CEP164: variants seen among roughly 807,000 people sequenced by gnomAD.
The protein encoded by CEP164 is centrosomal protein 164.
In CEP164, 162 loss-of-function variants were observed where a neutral mutation model predicts 182.7. That is an observed-to-expected ratio of 0.89 (90% CI 0.78 to 1.01). The LOEUF is 1.01. Ranked by LOEUF, CEP164 falls within the 50% of genes least tolerant of loss-of-function variation. The pLI is 0.00. For synonymous variants in CEP164, 661 were observed against 690.0 expected, an observed-to-expected ratio of 0.96 and a Z score of 0.66; for missense variants, 1,735 against 1,790.4, an observed-to-expected ratio of 0.97 and a Z score of 0.56.
At chr11:117,410,367 GGTA>G (rs1049244052) in intron 30 of CEP164, 12 of 302,584 alleles carry the variant, frequency 4.0e-5, no homozygotes, top group Non-Finnish European at 7.4e-5. Flanking sequence ...AATTCTCTGA[GGTA>G]GTAATTATTT....
At chr11:117,386,902 G>C (rs1347042537) in intron 14 of CEP164, 1 of 363,702 alleles carries the variant, frequency 2.7e-6, no homozygotes, top group Non-Finnish European at 5.0e-6. Context: ...GCTGCTGCCA[G>C]CTCTTGAGCC....
intron 8 of CEP164, among the ~76,000 whole-genome samples, chr11:117,368,022 T>C (rs938690334): frequency 1.3e-5 from 2 of 152,228 alleles, no homozygotes; most frequent in African/African-American, 4.8e-5. Flanking sequence ...TCCGATCTTT[T>C]TATGACACAC....
Position 117,410,838 on chromosome 11 carries a change from G to C in CEP164, c.4107G>C (p.Pro1369=). 1 of 1,612,742 alleles carries C rather than the reference G, an allele frequency of 6.2e-7. No individual in the cohort carries two copies. Among genetic ancestry groups the C allele is most frequent in the South Asian group, 1.1e-5 (1 of 90,686 alleles). ...KWRKYFPSGI[P]LLSNSPTPLE... is the part of the protein sequence containing the mutation. ...CCCATGCTCTTCCAGCTGGCATCCC[G>C]CTGCTCAGCAACAGCCCCACCCCGC... The change falls in exon 31 of 33, where the codon CCG becomes CCC. Residue 1369 remains proline, a synonymous_variant. Transcript: ENST00000278935.
chr11:117,407,457 C>CAAAAAAA (rs1232486465), intron 27 of CEP164, among the ~76,000 whole-genome samples: 21 of 68,938 alleles, frequency 3.0e-4, no homozygotes, highest in African/African-American at 6.8e-4. Flanking sequence ...TCTGTCTCTA[C>CAAAAAAA]AAAAAAAAAA....
rs773861529 is a variant in CEP164 at position 117,362,397 on chromosome 11, T to A, written c.553-7T>A. The A allele has an allele frequency of 1.9e-6, 3 of 1,610,658 alleles. No homozygotes were observed. Among genetic ancestry groups the A allele is most frequent in the Non-Finnish European group, 2.5e-6 (3 of 1,177,976 alleles). ...GAGTCCTTTGACTGTCCTTCTCTAT[T>A]TTGAAGCCTTCACAGGGTCTCAAGA... On this transcript the variant is annotated splice_region_variant and splice_polypyrimidine_tract_variant and intron_variant, in intron 6 of 32. Coordinates refer to ENST00000278935, the MANE Select transcript of CEP164 (RefSeq NM_014956.5).
chr11:117,390,657 A>AAG, intron 15 of CEP164, 120 bp from the exon 16 acceptor site: 2 of 1,061,672 alleles, frequency 1.9e-6, no homozygotes, highest in Non-Finnish European at 2.7e-6. Context: ...AAAAAAAAAA[A>AAG]GATTTAGGAA....
At chr11:117,324,839 T>C (rs1228159754), upstream of CEP164, among the ~76,000 whole-genome samples, 7 of 152,120 alleles carry the variant, frequency 4.6e-5, no homozygotes. Flanking sequence ...CTGTCTCTAC[T>C]AAAAATACAA....
intron 5 of CEP164, chr11:117,356,324 C>T: frequency 3.5e-6 from 4 of 1,138,266 alleles, no homozygotes; most frequent in Non-Finnish European, 4.4e-6. Context: ...GCAGGACATG[C>T]CGTGCAGACA....
intron 7 of CEP164, 35 bp downstream of exon 7, chr11:117,362,573 C>T (rs1216803125): frequency 5.1e-6 from 8 of 1,579,172 alleles, no homozygotes; most frequent in Non-Finnish European, 6.0e-6. Flanking sequence ...CCTGGAAACC[C>T]TCTGTGCCAT....
At chr11:117,383,993 G>T (rs1312186070) in intron 14 of CEP164, among the ~76,000 whole-genome samples, 1 of 152,176 alleles carries the variant, frequency 6.6e-6, no homozygotes, top group Non-Finnish European at 1.5e-5. Context: ...CCGAGATCGT[G>T]CCACTGTATT....
chr11:117,372,329 G>T (rs1386096812), intron 9 of CEP164, among the ~76,000 whole-genome samples: 3 of 151,902 alleles, frequency 2.0e-5, no homozygotes, highest in Non-Finnish European at 4.4e-5. Context: ...GGCTGATCTT[G>T]AACTCCTGAG....
chr11:117,393,456 G>A (rs1449861119), intron 20 of CEP164, among the ~76,000 whole-genome samples: 1 of 152,186 alleles, frequency 6.6e-6, no homozygotes, highest in Non-Finnish European at 1.5e-5. Context: ...AGCTTGTACT[G>A]TGTGCCAAGA....
chr11:117,410,318 G>A, intron 30 of CEP164: 1 of 400,364 alleles, frequency 2.5e-6, no homozygotes, highest in Non-Finnish European at 4.6e-6. Context: ...AATACATGAT[G>A]GGCCAAGCAG....
rs1592526035 is a variant in CEP164, at chr11:117,411,073, A to T, written c.4163+179A>T. On this transcript the variant is annotated intron_variant, in intron 31 of 32. Coordinates refer to ENST00000278935, the MANE Select transcript of CEP164 (RefSeq NM_014956.5). The surrounding 1 kb of genome is among the most constrained non-coding windows in gnomAD (Gnocchi z 4.4). ...CCTGGGTCTGAGGCGCCCCTCCATG[A>T]CCAGGGGAAAGTCAAGTTCACACCG... The T allele has an allele frequency of 2.2e-5, 13 of 593,872 alleles. No individual in the cohort carries two copies. The East Asian group carries it at 3.7e-4, about 17-fold the overall frequency. The allele number at this position is 593,872 out of a possible 1,614,324, so 36.8% of individuals were successfully genotyped here.
intron 2 of CEP164, among the ~76,000 whole-genome samples, chr11:117,337,720 C>G (rs1267352624): frequency 6.6e-6 from 1 of 152,088 alleles, no homozygotes; most frequent in Non-Finnish European, 1.5e-5. Context: ...TTCCTGACAC[C>G]AGTCTCTCAT....
chr11:117,357,909 G>A (rs2040487060), intron 5 of CEP164, among the ~76,000 whole-genome samples: 1 of 152,150 alleles, frequency 6.6e-6, no homozygotes. Context: ...TTATCAAATG[G>A]CTGACCTTGC....
At position 117,390,805 on chromosome 11, in the gene CEP164, A is replaced by C; in HGVS notation, c.1963A>C (p.Ile655Leu). Residue 655 changes from isoleucine to leucine, a missense_variant, in exon 16 of 33, where the codon ATT (isoleucine) becomes CTT (leucine). By Grantham distance (5) the Ile-to-Leu change is conservative. Transcript: ENST00000278935. ...SSLRERLQKA[I>L]EEEEARMREE... ...CTTGAGGGAGCGGCTGCAGAAAGCC[A>C]TTGAGGAGGAGGAGGCCCGGATGAG... The C allele has an allele frequency of 1.2e-6, 2 of 1,613,894 alleles. No homozygotes were observed. The highest frequency in any genetic ancestry group is 1.7e-6 in the Non-Finnish European group (2 of 1,179,966).
chr11:117,326,855 G>A (rs1487202347), upstream of CEP164, among the ~76,000 whole-genome samples: 2 of 152,136 alleles, frequency 1.3e-5, no homozygotes, highest in Non-Finnish European at 2.9e-5. Context: ...ATCTGTATTT[G>A]TCTGTTTCTC....
intron 27 of CEP164, among the ~76,000 whole-genome samples, chr11:117,398,425 G>T (rs1416982061): frequency 2.0e-5 from 3 of 152,152 alleles, no homozygotes; most frequent in Admixed American, 2.0e-4. Flanking sequence ...GAGGACGGTG[G>T]CCCTCTTCTC....
Sources: allele counts gnomAD v4.1 joint callset (sites outside exome capture counted in the v4.1 genomes callset), GRCh38; gene constraint gnomAD v4.1.1; non-coding constraint Gnocchi (gnomAD v3.1); transcripts MANE v1.5; gene names NCBI Gene and HGNC (gene_info 2026-07-23, HGNC 2026-07-21).